ARHGEF37: variants seen among roughly 807,000 people sequenced by gnomAD.
ARHGEF37 encodes Rho guanine nucleotide exchange factor (GEF) 37.
In ARHGEF37, 55 loss-of-function variants were observed where a neutral mutation model predicts 71.1. The observed-to-expected ratio is 0.77, with a 90% CI of 0.62 to 0.97. The LOEUF is 0.97. ARHGEF37 is among the 50% of genes least tolerant of loss of function. The probability of loss-of-function intolerance (pLI) is 0.00; values close to 1 mark genes in which losing one functional copy is unlikely to be tolerated. For synonymous variants in ARHGEF37, 327 were observed against 350.6 expected (o/e 0.93, Z 0.75); for missense variants, 765 against 836.8 (o/e 0.91, Z 1.06).
intron 10 of ARHGEF37, among the ~76,000 whole-genome samples, 167 bp downstream of exon 10, chr5:149,624,307 G>C (rs1408650025): frequency 6.6e-6 from 1 of 152,094 alleles, no homozygotes; most frequent in East Asian, 1.9e-4. Context: ...GGGGTGGGGG[G>C]ACACACCCAG....
intron 1 of ARHGEF37, among the ~76,000 whole-genome samples, chr5:149,569,489 T>C (rs1762937544): frequency 6.6e-6 from 1 of 150,988 alleles, no homozygotes; most frequent in South Asian, 2.1e-4. Context: ...CCGACTAATA[T>C]TTGTATTTTT....
intron 4 of ARHGEF37, among the ~76,000 whole-genome samples, chr5:149,609,958 C>T (rs566264574): frequency 9.2e-5 from 14 of 152,324 alleles, no homozygotes; most frequent in Non-Finnish European, 2.1e-4. Context: ...ATCCTCACTT[C>T]GGCACCCAAA....
chr5:149,578,937 G>A (rs560352587), upstream of ARHGEF37, among the ~76,000 whole-genome samples: 268 of 152,308 alleles, frequency 1.8e-3, no homozygotes, highest in Non-Finnish European at 3.1e-3. Context: ...CATTAGAAAT[G>A]CCACTCAAAA....
At chr5:149,589,006 G>A (rs1459505249) in intron 1 of ARHGEF37, among the ~76,000 whole-genome samples, 1 of 152,046 alleles carries the variant, frequency 6.6e-6, no homozygotes, top group Non-Finnish European at 1.5e-5. Context: ...AAGATGAGAG[G>A]ATCACTTGAG....
At chr5:149,601,806 G>C (rs1486326354) in intron 3 of ARHGEF37, among the ~76,000 whole-genome samples, 1 of 152,208 alleles carries the variant, frequency 6.6e-6, no homozygotes, top group African/African-American at 2.4e-5. Context: ...AGAGAGCATA[G>C]TTGTGCAAAG....
At chr5:149,622,213 C>T in intron 9 of ARHGEF37, 151 bp downstream of exon 9, 1 of 737,660 alleles carries the variant, frequency 1.4e-6, no homozygotes, top group South Asian at 1.9e-5. Context: ...GGGAACCTTC[C>T]AGATCTCTCT....
At chr5:149,560,943 C>T (rs967435885) in intron 1 of ARHGEF37, among the ~76,000 whole-genome samples, 7 of 152,094 alleles carry the variant, frequency 4.6e-5, no homozygotes, top group African/African-American at 1.7e-4. Flanking sequence ...ATCAGATTCT[C>T]TAACCGCAAA....
chr5:149,554,832 T>A (rs549928158), intron 1 of ARHGEF37, among the ~76,000 whole-genome samples: 1 of 152,016 alleles, frequency 6.6e-6, no homozygotes, highest in Non-Finnish European at 1.5e-5. Flanking sequence ...AGCTTTGGTG[T>A]AATGAAAGGA....
intron 1 of ARHGEF37, among the ~76,000 whole-genome samples, chr5:149,562,728 G>C (rs1762849535): frequency 1.3e-5 from 2 of 152,218 alleles, no homozygotes; most frequent in South Asian, 4.1e-4. Flanking sequence ...TTACAGGCGT[G>C]AGCCACCGCG....
intron 1 of ARHGEF37, among the ~76,000 whole-genome samples, chr5:149,567,189 T>C (rs1284934426): frequency 6.6e-6 from 1 of 152,234 alleles, no homozygotes; most frequent in East Asian, 1.9e-4. Flanking sequence ...AGTTTTTCTG[T>C]AAAACGTCCT....
chr5:149,581,023 A>G (rs1763094183), upstream of ARHGEF37, among the ~76,000 whole-genome samples: 1 of 152,182 alleles, frequency 6.6e-6, no homozygotes, highest in Non-Finnish European at 1.5e-5. Context: ...CCGTCATGTC[A>G]TGGAAGCGAC....
upstream of ARHGEF37, among the ~76,000 whole-genome samples, chr5:149,578,324 T>C (rs968211630): frequency 6.6e-6 from 1 of 152,188 alleles, no homozygotes; most frequent in Non-Finnish European, 1.5e-5. Context: ...AAAAATCCCT[T>C]AATAAAGTCA....
intron 11 of ARHGEF37, 22 bp downstream of exon 11, chr5:149,627,293 C>G (rs1197277514): frequency 1.2e-6 from 2 of 1,603,976 alleles, no homozygotes; most frequent in African/African-American, 1.3e-5. Flanking sequence ...TTTGGGAGCC[C>G]TTCTTCTCCT....
At chr5:149,616,820 G>A in intron 5 of ARHGEF37, 54 bp downstream of exon 5, 1 of 1,497,132 alleles carries the variant, frequency 6.7e-7, no homozygotes, top group Non-Finnish European at 9.1e-7. Flanking sequence ...TCCAGTTACA[G>A]AAAATTTATC....
chr5:149,556,074 G>A (rs1228086359), intron 1 of ARHGEF37, among the ~76,000 whole-genome samples: 1 of 152,216 alleles, frequency 6.6e-6, no homozygotes, highest in Non-Finnish European at 1.5e-5. Context: ...ACAAGCACAA[G>A]AAGTCTAGAT....
At chr5:149,577,311 T>C (rs1453230344), upstream of ARHGEF37, among the ~76,000 whole-genome samples, 2 of 152,046 alleles carry the variant, frequency 1.3e-5, no homozygotes, top group African/African-American at 4.8e-5. Context: ...GAAAGAGTGG[T>C]AGATTTCACA....
intron 1 of ARHGEF37, among the ~76,000 whole-genome samples, chr5:149,596,851 C>G (rs900070325): frequency 2.0e-5 from 3 of 152,118 alleles, no homozygotes; most frequent in Admixed American, 6.5e-5. Context: ...AAGTTAGAGC[C>G]TGGAGTGCAG....
intron 1 of ARHGEF37, among the ~76,000 whole-genome samples, chr5:149,571,163 A>G (rs1762958395): frequency 6.6e-6 from 1 of 152,050 alleles, no homozygotes; most frequent in Non-Finnish European, 1.5e-5. Flanking sequence ...GCTGGTCTGG[A>G]ACTCCTGATC....
At chr5:149,614,599 T>C (rs1215399384) in intron 4 of ARHGEF37, among the ~76,000 whole-genome samples, 1 of 152,176 alleles carries the variant, frequency 6.6e-6, no homozygotes, top group Non-Finnish European at 1.5e-5. Flanking sequence ...ACTTGGCTCT[T>C]TCCCATGGAA....
Sources: gnomAD v4.1 joint callset for allele counts (sites outside exome capture counted in the v4.1 genomes callset) on GRCh38, gnomAD v4.1.1 for gene constraint, MANE v1.5 for transcripts, NCBI Gene and HGNC (gene_info 2026-07-23, HGNC 2026-07-21) for gene names.